Variants in SYN2 observed in about 807,000 individuals in gnomAD.
SYN2 encodes synapsin-2.
In SYN2, 19 loss-of-function variants were observed where a neutral mutation model predicts 50.9. That is an observed-to-expected ratio of 0.37 (90% CI 0.26 to 0.55). The LOEUF (loss-of-function observed/expected upper bound fraction) is 0.55. Among genes scored for constraint, SYN2 ranks in the 20% least tolerant of loss-of-function variants. The pLI is 0.81. For missense variants in SYN2, 587 were observed against 576.4 expected (o/e 1.02, Z -0.19); for synonymous variants, 255 against 224.9 (o/e 1.13, Z -1.20).
chr3:12,098,881 A>ATATAT (rs56665925), intron 1 of SYN2, among the ~76,000 whole-genome samples: 1 of 146,380 alleles, frequency 6.8e-6, no homozygotes, highest in African/African-American at 2.5e-5. Context: ...ATATATATAT[A>ATATAT]ATGCAAATAG....
intron 1 of SYN2, 144 bp downstream of exon 1, chr3:12,005,072 C>CT (rs1693766548): frequency 2.6e-6 from 1 of 385,538 alleles, no homozygotes; most frequent in Non-Finnish European, 4.6e-6. Flanking sequence ...GAGGTGCGGG[C>CT]TGAGCGCGCG....
intron 6 of SYN2, 60 bp downstream of exon 6, chr3:12,161,668 G>A (rs761071986): frequency 1.8e-5 from 28 of 1,576,376 alleles, no homozygotes; most frequent in Middle Eastern, 3.5e-4. Flanking sequence ...TTTTCAGAGC[G>A]CCCATTTGTG....
intron 1 of SYN2, among the ~76,000 whole-genome samples, chr3:12,010,313 T>C (rs1693889304): frequency 6.6e-6 from 1 of 152,052 alleles, no homozygotes; most frequent in Non-Finnish European, 1.5e-5. Context: ...AATATCTTCC[T>C]AAGGAAAAAG....
chr3:12,081,748 C>A (rs138328216), intron 1 of SYN2, among the ~76,000 whole-genome samples: 1 of 152,256 alleles, frequency 6.6e-6, no homozygotes, highest in African/African-American at 2.4e-5. Context: ...TCAGGTTTTC[C>A]CTGTGTTCAT....
chr3:12,045,424 G>A (rs1694713828), intron 1 of SYN2, among the ~76,000 whole-genome samples: 1 of 152,102 alleles, frequency 6.6e-6, no homozygotes, highest in African/African-American at 2.4e-5. Flanking sequence ...GAGGAGAAAT[G>A]CATTTCAGTT....
At position 12,065,784 on chromosome 3, in the gene SYN2, T is replaced by C. The variant is rs561262965; in HGVS notation, c.377+60856T>C. Among the ~76,000 whole-genome samples, 77 of 152,264 alleles carry C rather than the reference T, an allele frequency of 5.1e-4. 1 individual carries two copies. Among genetic ancestry groups the C allele is most frequent in the African/African-American group, 1.7e-3 (69 of 41,554 alleles). ...ACTACCTGGGTGACGGAATCAATCA[T>C]AAACCAAACCTCAGCATCATGCAAT... On this transcript the variant is annotated intron_variant, in intron 1 of 12. Transcript: ENST00000621198.
At chr3:12,189,839 A>G (rs1698413665) in intron 12 of SYN2, among the ~76,000 whole-genome samples, 1 of 152,174 alleles carries the variant, frequency 6.6e-6, no homozygotes, top group South Asian at 2.1e-4. Context: ...GAACAGGGAA[A>G]TTGAAGTGTT....
chr3:12,103,721 C>A (rs576375917), intron 1 of SYN2, among the ~76,000 whole-genome samples: 3 of 152,210 alleles, frequency 2.0e-5, no homozygotes, highest in African/African-American at 7.2e-5. Context: ...TCAAGAATAA[C>A]CCCTGAAAGA....
intron 1 of SYN2, among the ~76,000 whole-genome samples, chr3:12,063,086 G>A (rs1020888181): frequency 6.6e-6 from 1 of 151,586 alleles, no homozygotes; most frequent in African/African-American, 2.4e-5. Flanking sequence ...GATGGGAGGG[G>A]AGGACTTAAA....
chr3:12,044,340 T>G (rs1359499669), intron 1 of SYN2, among the ~76,000 whole-genome samples: 1 of 152,190 alleles, frequency 6.6e-6, no homozygotes, highest in African/African-American at 2.4e-5. Context: ...AATATCATAT[T>G]CATTTTGTCT....
chr3:12,089,610 T>G lies in SYN2; in HGVS notation c.378-51041T>G, dbSNP rs1022222351. Among the ~76,000 whole-genome samples the G allele has an allele frequency of 4.6e-5, 7 of 152,224 alleles. 1 individual carries two copies. On this transcript the variant is annotated intron_variant, in intron 1 of 12. Transcript: ENST00000621198. The stretch of plus-strand genomic sequence containing the variant: ...GGATTACTTGAGCCCAGTAGTTTGA[T>G]GCCAGCTTGGGCAACATAGTGAGAT...
intron 10 of SYN2, among the ~76,000 whole-genome samples, chr3:12,173,071 C>G (rs1365200482): frequency 1.3e-5 from 2 of 152,162 alleles, no homozygotes; most frequent in African/African-American, 2.4e-5. Flanking sequence ...TGATTGAATT[C>G]ACAGAGGTCA....
intron 1 of SYN2, among the ~76,000 whole-genome samples, chr3:12,107,391 G>T (rs1049999972): frequency 3.3e-5 from 5 of 152,134 alleles, no homozygotes; most frequent in Admixed American, 6.5e-5. Flanking sequence ...TGTCGTTGCA[G>T]TATAATAACA....
chr3:12,061,002 A>G (rs1421817471), intron 1 of SYN2, among the ~76,000 whole-genome samples: 1 of 152,182 alleles, frequency 6.6e-6, no homozygotes, highest in African/African-American at 2.4e-5. Context: ...AGTAGATAAC[A>G]TGAAAGAACA....
intron 10 of SYN2, among the ~76,000 whole-genome samples, chr3:12,170,751 G>GT (rs1041985565): frequency 2.0e-5 from 3 of 152,144 alleles, no homozygotes; most frequent in African/African-American, 7.2e-5. Flanking sequence ...TTGGTCTCAA[G>GT]TTTTTTTATT....
intron 1 of SYN2, among the ~76,000 whole-genome samples, chr3:12,038,303 ATTATC>A (rs1694544014): frequency 1.3e-5 from 2 of 152,278 alleles, no homozygotes; most frequent in South Asian, 2.1e-4. Context: ...TCAATATCAT[ATTATC>A]TTCATTACTG....
intron 1 of SYN2, among the ~76,000 whole-genome samples, chr3:12,022,140 G>C (rs1694152184): frequency 2.0e-5 from 3 of 151,738 alleles, no homozygotes; most frequent in Admixed American, 6.6e-5. Flanking sequence ...ACTGACACCT[G>C]TGGGGTCTAT....
At chr3:12,044,969 T>G (rs1694704028) in intron 1 of SYN2, among the ~76,000 whole-genome samples, 1 of 152,166 alleles carries the variant, frequency 6.6e-6, no homozygotes, top group Non-Finnish European at 1.5e-5. Flanking sequence ...AATTGAAGAT[T>G]AGAGAGGTTG....
intron 12 of SYN2, among the ~76,000 whole-genome samples, chr3:12,187,881 C>T (rs1359893039): frequency 6.6e-6 from 1 of 152,074 alleles, no homozygotes; most frequent in African/African-American, 2.4e-5. Flanking sequence ...AACCCCCTTC[C>T]CTTTCTTCCT....
Sources: allele counts gnomAD v4.1 joint callset (sites outside exome capture counted in the v4.1 genomes callset), GRCh38; gene constraint gnomAD v4.1.1; transcripts MANE v1.5; gene names NCBI Gene and HGNC (gene_info 2026-07-23, HGNC 2026-07-21).